PM20D1: variants seen among roughly 807,000 people sequenced by gnomAD.
The protein encoded by PM20D1 is N-fatty-acyl-amino acid synthase/hydrolase PM20D1.
In PM20D1, 53 loss-of-function variants were observed where a neutral mutation model predicts 53.8. The ratio of observed to expected loss-of-function variants is 0.98; its 90% CI spans 0.79 to 1.24. The LOEUF is 1.24. PM20D1 is among the 50% of genes most tolerant of loss of function. PM20D1 has a pLI of 0.00. For missense variants in PM20D1, 564 were observed against 616.8 expected, an observed-to-expected ratio of 0.91 and a Z score of 0.91; for synonymous variants, 239 against 241.3, an observed-to-expected ratio of 0.99 and a Z score of 0.09.
At chr1:205,848,580 C>T (rs1305761916) in intron 1 of PM20D1, among the ~76,000 whole-genome samples, 1 of 152,198 alleles carries the variant, frequency 6.6e-6, no homozygotes, top group African/African-American at 2.4e-5. Flanking sequence ...TCAGTTGTCT[C>T]AGTTCCTGAA....
intron 9 of PM20D1, 120 bp downstream of exon 9, chr1:205,841,691 G>T: frequency 9.6e-7 from 1 of 1,046,170 alleles, no homozygotes; most frequent in Non-Finnish European, 1.4e-6. Flanking sequence ...TCTTTGCGTG[G>T]CTAGGCTTGG....
At chr1:205,841,959 C>G in intron 8 of PM20D1, 70 bp from the exon 9 acceptor site, 1 of 1,408,820 alleles carries the variant, frequency 7.1e-7, no homozygotes, top group Non-Finnish European at 9.8e-7. Context: ...GGAAACATTA[C>G]CCACTTTCCT....
chr1:205,844,923 A>G, intron 3 of PM20D1, 26 bp from the exon 4 acceptor site: 1 of 1,597,868 alleles, frequency 6.3e-7, no homozygotes, highest in Non-Finnish European at 8.6e-7. Context: ...ACAATGGAAG[A>G]GGAAAAAGAC....
chr1:205,840,222 G>T, intron 10 of PM20D1, 30 bp downstream of exon 10: 1 of 1,592,268 alleles, frequency 6.3e-7, no homozygotes, highest in South Asian at 1.1e-5. Context: ...GATGCTGCAT[G>T]AGTTGTTGTC....
chr1:205,832,702 A>G lies in PM20D1; in HGVS notation c.1181T>C (p.Phe394Ser). Residue 394 changes from phenylalanine (F) to serine (S), a missense_variant, in exon 11 of 13, where the codon TTT becomes TCT. Phe to Ser is a radical substitution (Grantham distance 155, BLOSUM62 -2). Coordinates refer to ENST00000367136, the MANE Select transcript of PM20D1 (RefSeq NM_152491.5). ...NRVQFHVLSA[F>S]DPLPVSPSDD... is the part of the protein sequence containing the mutation. The stretch of plus-strand genomic sequence containing the variant: ...AGAAGGGCTGACGGGGAGGGGGTCA[A>G]AGGCACTCAACACATGGAACTGGAC... 6.2e-7 allele frequency: 1 copy of G among 1,613,990 alleles called. No individual in the cohort carries two copies. Among genetic ancestry groups the G allele is most frequent in the Non-Finnish European group, 8.5e-7 (1 of 1,179,960 alleles).
In PM20D1 at chr1:205,828,462, C is replaced by T. The variant is rs772829803; in HGVS notation, c.*158G>A. The T allele has an allele frequency of 1.3e-5, 14 of 1,083,932 alleles. No individual in the cohort carries two copies. The highest frequency in any genetic ancestry group is 1.7e-5 in the Non-Finnish European group (13 of 786,918). The allele number at this position is 1,083,932 out of a possible 1,614,324, so 67.1% of individuals were successfully genotyped here. A position where few individuals can be genotyped will look rare whatever the true frequency, so the allele number is the denominator to read the frequency against. The stretch of plus-strand genomic sequence containing the variant: ...CCAGATTTCTGCTGACTTTACCTTA[C>T]CCCGGCCTTGTTCTTGGGAGAGTTT... On this transcript the variant is annotated 3_prime_UTR_variant, in exon 13 of 13. Transcript: ENST00000367136.
At chr1:205,835,671 AAAAAAG>A (rs1656669895) in intron 10 of PM20D1, among the ~76,000 whole-genome samples, 1 of 150,674 alleles carries the variant, frequency 6.6e-6, no homozygotes, top group Non-Finnish European at 1.5e-5. Context: ...AAAAAAAAAA[AAAAAAG>A]GTGTAATGTG....
At chr1:205,837,318 A>T (rs1656705437) in intron 10 of PM20D1, among the ~76,000 whole-genome samples, 2 of 152,236 alleles carry the variant, frequency 1.3e-5, no homozygotes, top group Admixed American at 1.3e-4. Context: ...TGTCCAAGAT[A>T]GCACATTCCA....
intron 10 of PM20D1, among the ~76,000 whole-genome samples, chr1:205,834,717 G>T (rs1486624942): frequency 6.6e-6 from 1 of 152,220 alleles, no homozygotes; most frequent in African/African-American, 2.4e-5. Context: ...TCTGAAGTCA[G>T]CCTCCATGAG....
At chr1:205,831,207 A>G (rs1656551072) in intron 11 of PM20D1, among the ~76,000 whole-genome samples, 1 of 152,180 alleles carries the variant, frequency 6.6e-6, no homozygotes, top group Non-Finnish European at 1.5e-5. Flanking sequence ...TGGAGGATCA[A>G]TTCAAGTGTG....
At chr1:205,832,570 C>T in intron 11 of PM20D1, 28 bp downstream of exon 11, 1 of 1,612,664 alleles carries the variant, frequency 6.2e-7, no homozygotes, top group South Asian at 1.1e-5. Context: ...CCCCTCCTCC[C>T]TCCAGCCACA....
At chr1:205,842,027 C>T (rs1656821920) in intron 8 of PM20D1, 127 bp downstream of exon 8, 2 of 1,199,092 alleles carry the variant, frequency 1.7e-6, no homozygotes, top group Non-Finnish European at 2.4e-6. Context: ...TAAATATACA[C>T]ACTTAGAGAT....
At chr1:205,838,812 G>GT (rs1656741201) in intron 10 of PM20D1, among the ~76,000 whole-genome samples, 1 of 152,120 alleles carries the variant, frequency 6.6e-6, no homozygotes, top group African/African-American at 2.4e-5. Context: ...AACTACCCAG[G>GT]TTAAAAACCT....
chr1:205,830,008 C>T, intron 12 of PM20D1: 2 of 350,982 alleles, frequency 5.7e-6, no homozygotes, highest in South Asian at 4.3e-5. Flanking sequence ...GATTAGCACC[C>T]AAGGGTACCG....
chr1:205,835,128 A>T (rs1369055975), intron 10 of PM20D1, among the ~76,000 whole-genome samples: 1 of 152,204 alleles, frequency 6.6e-6, no homozygotes, highest in Non-Finnish European at 1.5e-5. Context: ...GTGGAGTATA[A>T]CCTGAGAGGA....
Position 205,850,026 on chromosome 1 carries a change from A to G in PM20D1, c.47T>C (p.Leu16Pro), listed in dbSNP as rs1340124720. ...VCVLALVAMLLLVFPTVSRSM... is the reference protein window; with the variant it reads ...VCVLALVAMLPLVFPTVSRSM... ...TCTGGAGACGGTAGGGAAAACTAGGAGCAGCATAGCCACCAGGGCCAGCAC... is the reference window on the plus strand; with the variant it reads ...TCTGGAGACGGTAGGGAAAACTAGGGGCAGCATAGCCACCAGGGCCAGCAC... Residue 16 changes from leucine (L) to proline (P), a missense_variant, in exon 1 of 13, where the codon CTC becomes CCC. Physicochemically the swap from Leu to Pro is moderately conservative, Grantham distance 98. Transcript: ENST00000367136. The G allele has an allele frequency of 6.2e-7, 1 of 1,614,148 alleles. No individual in the cohort carries two copies. The highest frequency in any genetic ancestry group is 1.7e-5 in the Admixed American group (1 of 60,024).
At chr1:205,838,352 G>C (rs554929430) in intron 10 of PM20D1, among the ~76,000 whole-genome samples, 23 of 152,294 alleles carry the variant, frequency 1.5e-4, no homozygotes, top group African/African-American at 5.3e-4. Context: ...CAGACATTCT[G>C]TGTAACTTCT....
intron 12 of PM20D1, 101 bp from the exon 13 acceptor site, chr1:205,828,844 A>G: frequency 6.8e-7 from 1 of 1,462,370 alleles, no homozygotes; most frequent in African/African-American, 1.4e-5. Context: ...ACCAACCCGG[A>G]AACTACTGGC....
At chr1:205,835,480 G>C (rs1182907517) in intron 10 of PM20D1, among the ~76,000 whole-genome samples, 2 of 151,816 alleles carry the variant, frequency 1.3e-5, no homozygotes, top group Non-Finnish European at 2.9e-5. Context: ...GTGAAACCCC[G>C]TCTCTACTAA....
Sources: gnomAD v4.1 joint callset for allele counts (sites outside exome capture counted in the v4.1 genomes callset) on GRCh38, gnomAD v4.1.1 for gene constraint, MANE v1.5 for transcripts, NCBI Gene and HGNC (gene_info 2026-07-23, HGNC 2026-07-21) for gene names.